Variants in CHN1 observed in about 807,000 individuals in gnomAD.
CHN1 encodes the protein N-chimaerin.
CHN1 carries 37 observed loss-of-function variants against 59.5 expected under a neutral mutation model. The observed-to-expected ratio is 0.62, with a 90% CI of 0.48 to 0.82. The LOEUF is 0.82. Ranked by LOEUF, CHN1 falls within the 40% of genes least tolerant of loss-of-function variation. The probability of loss-of-function intolerance (pLI) is 0.00; values close to 1 mark genes in which losing one functional copy is unlikely to be tolerated. For synonymous variants in CHN1, 206 were observed against 200.4 expected, an observed-to-expected ratio of 1.03 and a Z score of -0.24; for missense variants, 469 against 571.0, an observed-to-expected ratio of 0.82 and a Z score of 1.82.
chr2:174,925,804 G>A (rs1469164368), intron 3 of CHN1, among the ~76,000 whole-genome samples: 2 of 152,220 alleles, frequency 1.3e-5, no homozygotes, highest in East Asian at 3.8e-4. Flanking sequence ...GTTCTTCCAT[G>A]TATGGATTTA....
At chr2:174,935,019 C>T (rs756658428) in intron 3 of CHN1, among the ~76,000 whole-genome samples, 1 of 152,216 alleles carries the variant, frequency 6.6e-6, no homozygotes, top group Non-Finnish European at 1.5e-5. Context: ...TAATCAATCA[C>T]GTTTTTCTCC....
intron 1 of CHN1, among the ~76,000 whole-genome samples, chr2:174,994,517 C>A (rs1369646649): frequency 6.6e-6 from 1 of 152,162 alleles, no homozygotes; most frequent in Admixed American, 6.5e-5. Flanking sequence ...ATAGCTTTCC[C>A]ATTAGGGAAC....
At chr2:175,000,137 A>ATTT (rs71031080) in intron 1 of CHN1, among the ~76,000 whole-genome samples, 10 of 111,978 alleles carry the variant, frequency 8.9e-5, no homozygotes, top group Non-Finnish European at 1.2e-4. Flanking sequence ...CACCTGGCTA[A>ATTT]TTTTTTTTTT....
chr2:174,877,829 T>C lies in CHN1; in HGVS notation c.549+11A>G, dbSNP rs955876106. On this transcript the variant is annotated intron_variant, in intron 6 of 12. Transcript: ENST00000409900. ...CAGAAAAAGATAAAGTGTGGTTTCA[T>C]AGTAGCTTACCCTTTTCTCTGACAC... 1.2e-6 allele frequency: 2 copies of C among 1,603,458 alleles called. No individual in the cohort carries two copies. The highest frequency in any genetic ancestry group is 1.3e-5 in the African/African-American group (1 of 74,524).
chr2:174,829,222 A>G (rs1459781202), intron 7 of CHN1, among the ~76,000 whole-genome samples: 1 of 152,196 alleles, frequency 6.6e-6, no homozygotes, highest in African/African-American at 2.4e-5. Flanking sequence ...TAAAACAGAG[A>G]TGAAAGACTG....
chr2:174,830,955 G>C (rs1444471541), intron 7 of CHN1, among the ~76,000 whole-genome samples: 2 of 152,144 alleles, frequency 1.3e-5, no homozygotes, highest in Non-Finnish European at 2.9e-5. Context: ...TCAAAATTGA[G>C]AGAAATACCA....
At chr2:174,944,567 T>C (rs959244778) in intron 3 of CHN1, among the ~76,000 whole-genome samples, 2 of 152,170 alleles carry the variant, frequency 1.3e-5, no homozygotes, top group Non-Finnish European at 2.9e-5. Flanking sequence ...TCAATAATCC[T>C]ACAATGATGG....
At chr2:174,817,699 G>A (rs1201438001) in intron 8 of CHN1, among the ~76,000 whole-genome samples, 1 of 149,968 alleles carries the variant, frequency 6.7e-6, no homozygotes, top group African/African-American at 2.5e-5. Flanking sequence ...GTGCAGTGGC[G>A]CGATCTCGGC....
At chr2:174,817,859 G>C (rs188043949) in intron 8 of CHN1, among the ~76,000 whole-genome samples, 8 of 152,034 alleles carry the variant, frequency 5.3e-5, no homozygotes, top group African/African-American at 1.9e-4. Context: ...GGATGGTCTC[G>C]ATCTCCTGAC....
At chr2:174,864,819 C>T (rs1271019327) in intron 6 of CHN1, among the ~76,000 whole-genome samples, 2 of 152,062 alleles carry the variant, frequency 1.3e-5, no homozygotes, top group African/African-American at 4.8e-5. Flanking sequence ...GAGCCAAGGT[C>T]GCACTACTGT....
At chr2:174,838,002 T>C (rs1351059585) in intron 7 of CHN1, among the ~76,000 whole-genome samples, 2 of 152,174 alleles carry the variant, frequency 1.3e-5, no homozygotes, top group Non-Finnish European at 2.9e-5. Flanking sequence ...CTTGACAACA[T>C]AGACAATAAT....
At chr2:174,846,545 A>C in intron 7 of CHN1, 8 of 1,251,648 alleles carry the variant, frequency 6.4e-6, no homozygotes, top group Non-Finnish European at 8.6e-6. Context: ...TAAAATCTCC[A>C]ACAGAGGTAT....
At chr2:174,808,780 T>C (rs1684984615) in intron 11 of CHN1, 125 bp downstream of exon 11, 2 of 987,622 alleles carry the variant, frequency 2.0e-6, no homozygotes, top group Non-Finnish European at 3.1e-6. Context: ...TGTAAGTACA[T>C]TAACCATAGA....
chr2:174,850,381 A>C (rs1686690577), intron 6 of CHN1, among the ~76,000 whole-genome samples: 1 of 152,214 alleles, frequency 6.6e-6, no homozygotes, highest in Non-Finnish European at 1.5e-5. Context: ...GTGTGGTATA[A>C]TGAAGAAAAT....
At chr2:174,964,378 A>C (rs891518777) in intron 1 of CHN1, among the ~76,000 whole-genome samples, 5 of 152,236 alleles carry the variant, frequency 3.3e-5, no homozygotes, top group African/African-American at 4.8e-5. Flanking sequence ...TTATACAACG[A>C]ATACATTACA....
intron 3 of CHN1, among the ~76,000 whole-genome samples, chr2:174,934,169 T>C (rs1017822238): frequency 1.3e-5 from 2 of 152,200 alleles, no homozygotes; most frequent in Non-Finnish European, 2.9e-5. Context: ...CATTGTAATA[T>C]ATAATGAAAT....
intron 1 of CHN1, among the ~76,000 whole-genome samples, chr2:174,982,066 C>T (rs190525098): frequency 1.2e-3 from 178 of 152,126 alleles, no homozygotes; most frequent in African/African-American, 4.1e-3. Flanking sequence ...TTTGTCCTTG[C>T]GATAGTTTGC....
At chr2:174,931,156 A>G (rs1024614949) in intron 3 of CHN1, among the ~76,000 whole-genome samples, 2 of 151,876 alleles carry the variant, frequency 1.3e-5, no homozygotes, top group Non-Finnish European at 2.9e-5. Flanking sequence ...ATAGCCTTTG[A>G]GTGATAGGAT....
chr2:174,966,506 C>T (rs1194756669), intron 1 of CHN1, among the ~76,000 whole-genome samples: 2 of 152,116 alleles, frequency 1.3e-5, no homozygotes, highest in African/African-American at 4.8e-5. Flanking sequence ...AATTTGGAAA[C>T]CTCTCCTATT....
Sources: gnomAD v4.1 joint callset for allele counts (sites outside exome capture counted in the v4.1 genomes callset) on GRCh38, gnomAD v4.1.1 for gene constraint, MANE v1.5 for transcripts, NCBI Gene and HGNC (gene_info 2026-07-23, HGNC 2026-07-21) for gene names.